The following DSCAML1 variants were observed in gnomAD, a reference collection of about 807,000 sequenced individuals.
DSCAML1 encodes DS cell adhesion molecule like 1.
A neutral mutation model predicts 200.5 loss-of-function variants in DSCAML1; 38 were observed. The observed-to-expected ratio is 0.19, with a 90% CI of 0.15 to 0.25. The LOEUF (loss-of-function observed/expected upper bound fraction) is 0.25. Ranked by LOEUF, DSCAML1 falls within the 10% of genes least tolerant of loss-of-function variation. The probability of loss-of-function intolerance (pLI) is 1.00; values close to 1 mark genes in which losing one functional copy is unlikely to be tolerated. For missense variants in DSCAML1, 2,223 were observed against 2,858.8 expected (o/e 0.78, Z 5.07); for synonymous variants, 1,215 against 1,165.0 (o/e 1.04, Z -0.87).
chr11:117,730,535 C>T (rs553146822), intron 3 of DSCAML1, among the ~76,000 whole-genome samples: 25 of 152,252 alleles, frequency 1.6e-4, no homozygotes, highest in African/African-American at 5.8e-4. Context: ...AACACAGCAG[C>T]AATCAGAAGG....
At chr11:117,658,546 T>C (rs917729819) in intron 3 of DSCAML1, among the ~76,000 whole-genome samples, 4 of 152,164 alleles carry the variant, frequency 2.6e-5, no homozygotes, top group African/African-American at 9.7e-5. Flanking sequence ...CAGGGCATTA[T>C]ATTTAAGAAG....
chr11:117,568,951 A>G (rs1421170247), intron 3 of DSCAML1, among the ~76,000 whole-genome samples: 2 of 152,210 alleles, frequency 1.3e-5, no homozygotes, highest in Non-Finnish European at 2.9e-5. Context: ...GAGGCATCAC[A>G]CTACCTGACT....
Position 117,780,552 on chromosome 11 carries a change from A to G in DSCAML1, c.305T>C (p.Phe102Ser). 1 of 1,538,098 alleles carries G rather than the reference A, an allele frequency of 6.5e-7. No homozygotes were observed. ...FNSFIHDNDY[F>S]CTAENAAGKI... Reference sequence around the variant, plus strand: ...GCCGGCAGCGTTCTCCGCGGTGCAGAAGTAGTCATTGTCGTGGATAAAGCT... The same window carrying G: ...GCCGGCAGCGTTCTCCGCGGTGCAGGAGTAGTCATTGTCGTGGATAAAGCT... The change falls in exon 2 of 33, where the codon TTC becomes TCC. Residue 102 changes from phenylalanine to serine, a missense_variant. Phe to Ser is a radical substitution (Grantham distance 155). Around this residue, in one of 7 missense-constraint regions of DSCAML1, gnomAD observed 579 missense variants for 721.5 expected, o/e 0.80. Coordinates refer to ENST00000651296, the MANE Select transcript of DSCAML1 (RefSeq NM_020693.4). This position sits in a 1 kb window ranked among gnomAD's most constrained non-coding sequence, Gnocchi z 4.8.
In DSCAML1 at chr11:117,505,330, G is replaced by C. The variant is rs540202582; in HGVS notation, c.2062+124C>G. ...AAATAAGAGGTTTAGGCTCCAACAGGCCCTTCAAGATGCTGGAGCCCACCT... is the reference window on the plus strand; with the variant it reads ...AAATAAGAGGTTTAGGCTCCAACAGCCCCTTCAAGATGCTGGAGCCCACCT... On this transcript the variant is annotated intron_variant, in intron 9 of 32. Coordinates refer to ENST00000651296, the MANE Select transcript of DSCAML1 (RefSeq NM_020693.4). The surrounding 1 kb of genome is among the most constrained non-coding windows in gnomAD (Gnocchi z 6.7). 2.3e-6 allele frequency: 3 copies of C among 1,316,064 alleles called. No individual in the cohort carries two copies. Among genetic ancestry groups the C allele is most frequent in the Non-Finnish European group, 3.1e-6 (3 of 968,892 alleles). 81.5% of individuals were successfully genotyped at this position (1,316,064 alleles called of 1,614,324 possible).
chr11:117,502,802 C>T (rs1481636079), intron 11 of DSCAML1, among the ~76,000 whole-genome samples: 1 of 152,190 alleles, frequency 6.6e-6, no homozygotes, highest in Non-Finnish European at 1.5e-5. Context: ...ATCTGACTCG[C>T]TCTTGACATG....
intron 3 of DSCAML1, among the ~76,000 whole-genome samples, chr11:117,677,067 A>G (rs959050313): frequency 6.6e-6 from 1 of 152,214 alleles, no homozygotes; most frequent in African/African-American, 2.4e-5. Flanking sequence ...CATCTCCCAC[A>G]AAGGTTTGAG....
At chr11:117,802,515 A>G (rs1399744241) in intron 1 of DSCAML1, among the ~76,000 whole-genome samples, 1 of 152,182 alleles carries the variant, frequency 6.6e-6, no homozygotes, top group East Asian at 1.9e-4. Flanking sequence ...AAGGTAGCAG[A>G]TATCTGATTA....
At chr11:117,541,276 T>C (rs2050263945) in intron 3 of DSCAML1, among the ~76,000 whole-genome samples, 1 of 152,244 alleles carries the variant, frequency 6.6e-6, no homozygotes, top group Admixed American at 6.5e-5. Context: ...GTGTCCCTCG[T>C]CCCTGCCCAA....
In DSCAML1 at chr11:117,518,637, G is replaced by C; in HGVS notation, c.1339C>G (p.Pro447Ala). 1 of 1,613,448 alleles carries C rather than the reference G, an allele frequency of 6.2e-7. No homozygotes were observed. Among genetic ancestry groups the C allele is most frequent in the South Asian group, 1.1e-5 (1 of 91,050 alleles). The change falls in exon 7 of 33, where the codon CCC becomes GCC. Residue 447 changes from proline (P) to alanine (A), a missense_variant. Pro to Ala is a conservative substitution (Grantham distance 27). This residue lies in a region of DSCAML1 where 579 missense variants were observed against 721.5 expected (regional missense o/e 0.80). Coordinates refer to ENST00000651296, the MANE Select transcript of DSCAML1 (RefSeq NM_020693.4). This position sits in a 1 kb window ranked among gnomAD's most constrained non-coding sequence, Gnocchi z 6.3. ...PTVTWALDDE[P>A]IVRDGSHRTN... ...CGGTGGCTGCCATCCCGCACGATGGGCTCATCGTCGAGGGCCCAGGTGACC... is the reference window on the plus strand; with the variant it reads ...CGGTGGCTGCCATCCCGCACGATGGCCTCATCGTCGAGGGCCCAGGTGACC...
intron 3 of DSCAML1, among the ~76,000 whole-genome samples, chr11:117,698,181 T>C (rs1336097498): frequency 6.6e-6 from 1 of 152,208 alleles, no homozygotes; most frequent in East Asian, 1.9e-4. Flanking sequence ...CCTTTAACTA[T>C]TGTGAAGGCT....
chr11:117,637,156 G>A (rs946482654), intron 3 of DSCAML1, among the ~76,000 whole-genome samples: 5 of 151,994 alleles, frequency 3.3e-5, no homozygotes. Flanking sequence ...GAGCCTTCCC[G>A]ACACCCAAGA....
chr11:117,428,492 TG>T lies in DSCAML1; in HGVS notation c.5997del (p.Ser2000AlafsTer31). 2 of 1,208,792 alleles carry T rather than the reference TG, an allele frequency of 1.7e-6. No homozygotes were observed. Among genetic ancestry groups the T allele is most frequent in the Non-Finnish European group, 2.2e-6 (2 of 910,020 alleles). The allele number at this position is 1,208,792 out of a possible 1,614,324, so 74.9% of individuals were successfully genotyped here. On this transcript the variant is annotated frameshift_variant, in exon 33 of 33. Coordinates refer to ENST00000651296, the MANE Select transcript of DSCAML1 (RefSeq NM_020693.4). LOFTEE classifies it high-confidence loss of function. ...GTGCTGGGGGCCGGAGGGGCAGCGC[TG>T]GGGGCGGTGGGTGGCTCAGCAGGGG... ...GPTPAEPPTAPSAAPPAPSTE... is the reference protein window; with the variant it reads ...GPTPAEPPTAXSAAPPAPSTE...
chr11:117,636,899 A>ATAT (rs1168659658), intron 3 of DSCAML1, among the ~76,000 whole-genome samples: 3 of 152,136 alleles, frequency 2.0e-5, no homozygotes, highest in Non-Finnish European at 4.4e-5. Flanking sequence ...GTTATTATTA[A>ATAT]TATTATTATT....
chr11:117,778,081 T>C (rs371527392), intron 2 of DSCAML1, among the ~76,000 whole-genome samples: 45 of 152,330 alleles, frequency 3.0e-4, no homozygotes, highest in African/African-American at 1.0e-3. Flanking sequence ...TCTGGCATCA[T>C]CAAGAGTCTC....
intron 3 of DSCAML1, among the ~76,000 whole-genome samples, chr11:117,565,493 A>C (rs1285181872): frequency 6.6e-6 from 1 of 152,192 alleles, no homozygotes; most frequent in Non-Finnish European, 1.5e-5. Flanking sequence ...CAAACACAGT[A>C]TCTAATTTAC....
chr11:117,674,963 A>T (rs2053181401), intron 3 of DSCAML1, among the ~76,000 whole-genome samples: 1 of 152,196 alleles, frequency 6.6e-6, no homozygotes. Context: ...AAAATATCTT[A>T]TCAGGCAGAG....
At chr11:117,647,944 G>A (rs2052550446) in intron 3 of DSCAML1, among the ~76,000 whole-genome samples, 1 of 152,134 alleles carries the variant, frequency 6.6e-6, no homozygotes, top group African/African-American at 2.4e-5. Context: ...CCGCCGGCAC[G>A]ATGGGGCTTC....
intron 11 of DSCAML1, among the ~76,000 whole-genome samples, chr11:117,488,605 AAC>A (rs2049127063): frequency 6.6e-6 from 1 of 152,040 alleles, no homozygotes; most frequent in South Asian, 2.1e-4. Flanking sequence ...GACAGTCACA[AAC>A]ACAGTCACCC....
intron 5 of DSCAML1, among the ~76,000 whole-genome samples, chr11:117,524,358 G>A (rs2049935556): frequency 6.6e-6 from 1 of 152,216 alleles, no homozygotes; most frequent in African/African-American, 2.4e-5. Context: ...GTCACCCTAG[G>A]ATTGGGATGT....
Sources: allele counts gnomAD v4.1 joint callset (sites outside exome capture counted in the v4.1 genomes callset), GRCh38; gene constraint gnomAD v4.1.1; regional missense constraint gnomAD v4.1.1; non-coding constraint Gnocchi (gnomAD v3.1); transcripts MANE v1.5; gene names NCBI Gene and HGNC (gene_info 2026-07-23, HGNC 2026-07-21).